The following ERBB4 variants were observed in gnomAD, a reference collection of about 807,000 sequenced individuals.
ERBB4 encodes the protein erb-b2 receptor tyrosine kinase 4.
A neutral mutation model predicts 158.0 loss-of-function variants in ERBB4; 42 were observed. That is an observed-to-expected ratio of 0.27 (90% CI 0.21 to 0.34). ERBB4 has a LOEUF of 0.34. Among genes scored for constraint, ERBB4 ranks in the 10% least tolerant of loss-of-function variants. ERBB4 has a pLI of 1.00. For missense variants in ERBB4, 1,333 were observed against 1,624.1 expected (o/e 0.82, Z 3.08); for synonymous variants, 583 against 558.7 (o/e 1.04, Z -0.61).
At chr2:211,639,780 GGC>G (rs2125891246) in intron 16 of ERBB4, among the ~76,000 whole-genome samples, 2 of 152,146 alleles carry the variant, frequency 1.3e-5, no homozygotes, top group East Asian at 3.9e-4. Flanking sequence ...GGAGTACAGT[GGC>G]GCCATCTTGG....
intron 5 of ERBB4, among the ~76,000 whole-genome samples, chr2:211,738,368 T>TG (rs1349347518): frequency 4.0e-5 from 6 of 148,470 alleles, no homozygotes; most frequent in Non-Finnish European, 6.0e-5. Context: ...TTTGTTTTTT[T>TG]TTTTTTTTTT....
chr2:211,635,797 CT>C (rs1478590079), intron 16 of ERBB4, among the ~76,000 whole-genome samples: 3 of 151,874 alleles, frequency 2.0e-5, no homozygotes, highest in East Asian at 3.9e-4. Flanking sequence ...ATGATTCTAC[CT>C]TTTTTTAAAG....
intron 1 of ERBB4, among the ~76,000 whole-genome samples, chr2:212,308,866 G>A (rs914267818): frequency 1.5e-4 from 22 of 150,850 alleles, no homozygotes; most frequent in African/African-American, 4.6e-4. Flanking sequence ...AGCATACTGG[G>A]GAAACTACAT....
chr2:211,876,407 G>A (rs1008374794), intron 3 of ERBB4, among the ~76,000 whole-genome samples: 8 of 152,058 alleles, frequency 5.3e-5, no homozygotes, highest in Admixed American at 2.0e-4. Flanking sequence ...ACCATTATGC[G>A]ATGTGTATTC....
intron 19 of ERBB4, among the ~76,000 whole-genome samples, chr2:211,581,795 A>C (rs2068112592): frequency 6.6e-6 from 1 of 152,024 alleles, no homozygotes; most frequent in Admixed American, 6.6e-5. Context: ...GCAGATCACG[A>C]GGTCAAGAGA....
intron 20 of ERBB4, among the ~76,000 whole-genome samples, chr2:211,473,982 G>T (rs754379282): frequency 6.6e-6 from 1 of 151,934 alleles, no homozygotes; most frequent in Non-Finnish European, 1.5e-5. Context: ...TTTCCATTTC[G>T]TCTCCAAGGA....
chr2:212,126,448 G>A (rs780024967), intron 1 of ERBB4, among the ~76,000 whole-genome samples: 7 of 117,628 alleles, frequency 6.0e-5, no homozygotes, highest in Admixed American at 1.0e-4. Context: ...GCAACAGAGT[G>A]AGACTCTGTC....
intron 1 of ERBB4, among the ~76,000 whole-genome samples, chr2:212,221,148 A>G (rs1363875189): frequency 6.6e-6 from 1 of 151,464 alleles, no homozygotes; most frequent in Non-Finnish European, 1.5e-5. Flanking sequence ...TTGCAAATAT[A>G]TAAATCTAAG....
intron 12 of ERBB4, among the ~76,000 whole-genome samples, chr2:211,687,553 T>G (rs1294669149): frequency 1.4e-5 from 2 of 139,606 alleles, no homozygotes; most frequent in Non-Finnish European, 3.2e-5. Flanking sequence ...GCATTGTATG[T>G]TTGTTTGTTG....
chr2:212,252,073 G>A (rs967609017), intron 1 of ERBB4, among the ~76,000 whole-genome samples: 9 of 152,018 alleles, frequency 5.9e-5, no homozygotes, highest in African/African-American at 1.9e-4. Context: ...TGTTTGGCAT[G>A]TGGATAAGGG....
intron 2 of ERBB4, among the ~76,000 whole-genome samples, chr2:212,120,186 C>T (rs1388758152): frequency 6.6e-6 from 1 of 152,122 alleles, no homozygotes; most frequent in Non-Finnish European, 1.5e-5. Flanking sequence ...TGGCTTTGTT[C>T]TATCTGCGCA....
intron 1 of ERBB4, among the ~76,000 whole-genome samples, chr2:212,485,731 A>C (rs1689937354): frequency 6.6e-6 from 1 of 152,212 alleles, no homozygotes; most frequent in Non-Finnish European, 1.5e-5. Context: ...ATTATTTCTC[A>C]GAGCTGTGTA....
At position 211,702,001 on chromosome 2, in the gene ERBB4, T is replaced by A. The variant is rs532620473; in HGVS notation, c.1455A>T (p.Ile485=). ...TTLFSTINQR[I]VIRDNRKAEN... ...CAGCTTTTCTGTTGTCCCGGATTAC[T>A]ATTCTCTGGTTGATTGTGCTGAAGA... Residue 485 remains isoleucine (I), a synonymous_variant, in exon 12 of 28, where the codon ATA becomes ATT. Transcript: ENST00000342788. 2 of 1,614,024 alleles carry A rather than the reference T, an allele frequency of 1.2e-6. No individual in the cohort carries two copies. The highest frequency in any genetic ancestry group is 1.3e-5 in the African/African-American group (1 of 75,056).
chr2:212,172,904 A>G (rs1392765382), intron 1 of ERBB4, among the ~76,000 whole-genome samples: 1 of 152,128 alleles, frequency 6.6e-6, no homozygotes, highest in Non-Finnish European at 1.5e-5. Context: ...CCCATGTAAC[A>G]AACTTCTATA....
intron 1 of ERBB4, among the ~76,000 whole-genome samples, chr2:212,183,578 A>G (rs550309700): frequency 1.6e-4 from 24 of 152,190 alleles, no homozygotes; most frequent in African/African-American, 5.8e-4. Context: ...AAGGAATGTA[A>G]TTGTTATCAT....
intron 3 of ERBB4, among the ~76,000 whole-genome samples, chr2:211,817,413 T>G (rs1575189907): frequency 1.3e-5 from 2 of 152,284 alleles, no homozygotes; most frequent in South Asian, 4.1e-4. Flanking sequence ...TTGGTATAGT[T>G]GCAAAAATCT....
At chr2:211,948,494 C>A (rs1398000651) in intron 2 of ERBB4, among the ~76,000 whole-genome samples, 3 of 146,648 alleles carry the variant, frequency 2.0e-5, no homozygotes, top group Non-Finnish European at 4.5e-5. Flanking sequence ...TCATTCCAAC[C>A]ACATTTTTAA....
At chr2:211,418,794 T>C (rs1431104915) in intron 25 of ERBB4, among the ~76,000 whole-genome samples, 10 of 152,116 alleles carry the variant, frequency 6.6e-5, no homozygotes, top group Admixed American at 2.0e-4. Context: ...AGAGCCTCCT[T>C]TATACACCTT....
intron 25 of ERBB4, among the ~76,000 whole-genome samples, chr2:211,389,577 C>T (rs751699803): frequency 2.0e-5 from 3 of 152,096 alleles, no homozygotes; most frequent in Non-Finnish European, 4.4e-5. Context: ...TATCTATTTT[C>T]TTCTTTAGTA....
Sources: allele counts gnomAD v4.1 joint callset (sites outside exome capture counted in the v4.1 genomes callset), GRCh38; gene constraint gnomAD v4.1.1; transcripts MANE v1.5; gene names NCBI Gene and HGNC (gene_info 2026-07-23, HGNC 2026-07-21).